Variants in CPQ observed in about 807,000 individuals in gnomAD.
CPQ encodes Ser-Met dipeptidase.
Under a neutral mutation model 45.7 loss-of-function variants are expected in CPQ, and 37 were observed. The ratio of observed to expected loss-of-function variants is 0.81; its 90% CI spans 0.62 to 1.07. The LOEUF is 1.07. Ranked by LOEUF, CPQ falls within the 50% of genes least tolerant of loss-of-function variation. The pLI is 0.00. For synonymous variants in CPQ, 186 were observed against 205.8 expected (o/e 0.90, Z 0.82); for missense variants, 537 against 572.9 (o/e 0.94, Z 0.64).
At chr8:96,708,141 CCTT>C (rs1287836682) in intron 1 of CPQ, among the ~76,000 whole-genome samples, 3 of 152,128 alleles carry the variant, frequency 2.0e-5, no homozygotes, top group Admixed American at 6.5e-5. Flanking sequence ...CTCTCTGTCC[CCTT>C]CTTCTATAGT....
chr8:96,839,671 A>G (rs1811580440), intron 3 of CPQ, among the ~76,000 whole-genome samples: 1 of 152,190 alleles, frequency 6.6e-6, no homozygotes, highest in South Asian at 2.1e-4. Flanking sequence ...TACTAAGGTG[A>G]ATTCCATGTG....
chr8:96,726,053 A>G (rs1809834044), intron 1 of CPQ, among the ~76,000 whole-genome samples: 1 of 152,190 alleles, frequency 6.6e-6, no homozygotes, highest in Non-Finnish European at 1.5e-5. Flanking sequence ...ACACATGGAC[A>G]TAAAGATGGG....
intron 5 of CPQ, among the ~76,000 whole-genome samples, chr8:97,023,897 G>C (rs1467133666): frequency 6.6e-6 from 1 of 152,192 alleles, no homozygotes; most frequent in Non-Finnish European, 1.5e-5. Context: ...GTCTGTGACT[G>C]CTGCCCTCTC....
chr8:96,867,483 T>C (rs1297930103), intron 3 of CPQ, among the ~76,000 whole-genome samples: 1 of 152,006 alleles, frequency 6.6e-6, no homozygotes, highest in Non-Finnish European at 1.5e-5. Context: ...CTTAACAGCT[T>C]TTTAAAAAAT....
rs1168640594 is a variant in CPQ at position 96,933,711 on chromosome 8, AG to A, written c.850-32223del. 3.3e-5 allele frequency among the ~76,000 whole-genome samples: 5 copies of A among 152,238 alleles called. No homozygotes were observed. In the East Asian group the frequency reaches 9.7e-4, roughly 30 times the overall value. ...AAATGGGATTAATACCCATGTTGCA[AG>A]ATGGAGCCAATGTAAGGTAATGTCT... On this transcript the variant is annotated intron_variant, in intron 4 of 7. Transcript: ENST00000220763.
intron 5 of CPQ, among the ~76,000 whole-genome samples, chr8:96,976,622 A>G (rs1813793036): frequency 6.6e-6 from 1 of 152,188 alleles, no homozygotes; most frequent in Non-Finnish European, 1.5e-5. Context: ...TTAGACACCA[A>G]AACAGCATGG....
chr8:96,896,135 A>G lies in CPQ; in HGVS notation c.849+16130A>G, dbSNP rs1269240874. 5.3e-5 allele frequency among the ~76,000 whole-genome samples: 8 copies of G among 152,250 alleles called. No individual in the cohort carries two copies. The East Asian group carries it at 7.7e-4, about 15-fold the overall frequency. Reference sequence around the variant, plus strand: ...AAGCACTGGACCCAGTGCTTTCTCCATCCTTCAGGGGATATTGTACAGACA... The same window carrying G: ...AAGCACTGGACCCAGTGCTTTCTCCGTCCTTCAGGGGATATTGTACAGACA... On this transcript the variant is annotated intron_variant, in intron 4 of 7. Transcript: ENST00000220763.
intron 3 of CPQ, among the ~76,000 whole-genome samples, chr8:96,853,978 G>T (rs868759658): frequency 1.3e-5 from 2 of 152,144 alleles, no homozygotes; most frequent in African/African-American, 2.4e-5. Context: ...ACACAGCAAG[G>T]TAGTATATTG....
chr8:96,647,454 A>G (rs1322584537), intron 1 of CPQ, among the ~76,000 whole-genome samples: 1 of 152,178 alleles, frequency 6.6e-6, no homozygotes, highest in Non-Finnish European at 1.5e-5. Flanking sequence ...TCATCACTAT[A>G]TATCTAAGAG....
intron 1 of CPQ, among the ~76,000 whole-genome samples, chr8:96,762,009 T>C (rs1200048319): frequency 6.6e-6 from 1 of 152,190 alleles, no homozygotes; most frequent in Non-Finnish European, 1.5e-5. Flanking sequence ...AAGGAGTATG[T>C]GTGTCTGGCA....
At chr8:97,107,108 A>G (rs1811417540) in intron 7 of CPQ, among the ~76,000 whole-genome samples, 1 of 152,154 alleles carries the variant, frequency 6.6e-6, no homozygotes, top group African/African-American at 2.4e-5. Context: ...CTTTTTTTCA[A>G]AAAGGCTTAA....
At chr8:97,003,477 T>C (rs1809322421) in intron 5 of CPQ, among the ~76,000 whole-genome samples, 1 of 152,198 alleles carries the variant, frequency 6.6e-6, no homozygotes, top group Non-Finnish European at 1.5e-5. Flanking sequence ...AGCCCCTATA[T>C]ATTTCTCTTG....
chr8:96,927,388 A>G (rs1812906459), intron 4 of CPQ, among the ~76,000 whole-genome samples: 1 of 152,170 alleles, frequency 6.6e-6, no homozygotes. Flanking sequence ...TGACTGTGCC[A>G]GTTCCCTGAT....
At chr8:96,693,011 G>A (rs1809323744) in intron 1 of CPQ, among the ~76,000 whole-genome samples, 2 of 151,940 alleles carry the variant, frequency 1.3e-5, no homozygotes, top group Admixed American at 1.3e-4. Flanking sequence ...AAAGAATCAA[G>A]CAGAAATTCT....
intron 1 of CPQ, among the ~76,000 whole-genome samples, chr8:96,687,177 TC>T (rs770978847): frequency 1.1e-3 from 143 of 127,902 alleles, no homozygotes; most frequent in African/African-American, 3.4e-3. Context: ...TTCTTTTCTT[TC>T]TCTTCTCTTC....
chr8:97,103,729 A>G (rs1811355136), intron 7 of CPQ, among the ~76,000 whole-genome samples: 4 of 152,194 alleles, frequency 2.6e-5, no homozygotes, highest in African/African-American at 9.6e-5. Context: ...GAGAATGGAA[A>G]GAAGCTAATA....
At chr8:96,942,045 C>T (rs1013711773) in intron 4 of CPQ, among the ~76,000 whole-genome samples, 38 of 152,202 alleles carry the variant, frequency 2.5e-4, no homozygotes, top group African/African-American at 8.9e-4. Context: ...CTTATCCTTT[C>T]CTCTAGAGAA....
chr8:96,822,045 C>G (rs1328455887), intron 2 of CPQ, among the ~76,000 whole-genome samples: 2 of 152,040 alleles, frequency 1.3e-5, no homozygotes, highest in Non-Finnish European at 2.9e-5. Context: ...CTTTGACCAA[C>G]TTCTTCCCAA....
At chr8:97,040,360 T>C (rs1482919849) in intron 6 of CPQ, among the ~76,000 whole-genome samples, 2 of 151,714 alleles carry the variant, frequency 1.3e-5, no homozygotes, top group Non-Finnish European at 1.5e-5. Context: ...TTTGTTGGAG[T>C]TCATTGTAGA....
Sources: gnomAD v4.1 joint callset for allele counts (sites outside exome capture counted in the v4.1 genomes callset) on GRCh38, gnomAD v4.1.1 for gene constraint, MANE v1.5 for transcripts, NCBI Gene and HGNC (gene_info 2026-07-23, HGNC 2026-07-21) for gene names.